The following ERO1B variants were observed in gnomAD, a reference collection of about 807,000 sequenced individuals.
ERO1B encodes endoplasmic reticulum oxidoreductase 1 beta, also known as ERO1-like protein beta.
ERO1B carries 49 observed loss-of-function variants against 75.3 expected under a neutral mutation model. The observed-to-expected ratio is 0.65, with a 90% CI of 0.52 to 0.83. ERO1B has a LOEUF of 0.83. ERO1B is among the 40% of genes least tolerant of loss of function. The pLI is 0.00. For synonymous variants in ERO1B, 191 were observed against 192.9 expected (o/e 0.99, Z 0.08); for missense variants, 512 against 560.1 (o/e 0.91, Z 0.87).
intron 14 of ERO1B, 24 bp downstream of exon 14, chr1:236,221,900 C>G (rs752849213): frequency 6.3e-7 from 1 of 1,584,406 alleles, no homozygotes; most frequent in Non-Finnish European, 8.7e-7. Context: ...GTAATGGCTT[C>G]AAAAGAGAAG....
intron 2 of ERO1B, among the ~76,000 whole-genome samples, chr1:236,265,696 C>T (rs1665419789): frequency 6.6e-6 from 1 of 152,206 alleles, no homozygotes; most frequent in African/African-American, 2.4e-5. Flanking sequence ...AGCATCCTTA[C>T]ATGGTCAATA....
At position 236,269,557 on chromosome 1, in the gene ERO1B, G is replaced by T. The variant is rs958275397; in HGVS notation, c.222+318C>A. 3.7e-4 allele frequency among the ~76,000 whole-genome samples: 56 copies of T among 152,118 alleles called. 1 individual carries two copies. Among genetic ancestry groups the T allele is most frequent in the Admixed American group, 3.3e-4 (5 of 15,270 alleles). ...GACATCAGCACAACTCAAAGGCTGAGTAGGTGTGTCCAGATGGCAGAACTA... is the reference window on the plus strand; with the variant it reads ...GACATCAGCACAACTCAAAGGCTGATTAGGTGTGTCCAGATGGCAGAACTA... On this transcript the variant is annotated intron_variant, in intron 2 of 15. Transcript: ENST00000354619.
intron 15 of ERO1B, among the ~76,000 whole-genome samples, chr1:236,219,888 A>G (rs1664092716): frequency 6.6e-6 from 1 of 151,970 alleles, no homozygotes; most frequent in South Asian, 2.1e-4. Context: ...GCCAGGCAAA[A>G]TAGCATGTGT....
At chr1:236,229,422 CAAAA>C (rs199715484) in intron 10 of ERO1B, among the ~76,000 whole-genome samples, 2 of 112,376 alleles carry the variant, frequency 1.8e-5, no homozygotes, top group Non-Finnish European at 3.8e-5. Flanking sequence ...GACTCTGACT[CAAAA>C]AAAAAAAAAA....
intron 1 of ERO1B, among the ~76,000 whole-genome samples, chr1:236,280,336 A>G (rs1665805444): frequency 6.6e-6 from 1 of 152,248 alleles, no homozygotes; most frequent in South Asian, 2.1e-4. Flanking sequence ...TAATTTTGCC[A>G]AAGACAATTT....
In ERO1B at chr1:236,277,770, T is replaced by C. The variant is rs150977459; in HGVS notation, c.102+3912A>G. On this transcript the variant is annotated intron_variant, in intron 1 of 15. Transcript: ENST00000354619. Reference sequence around the variant, plus strand: ...AGAAAGAAAAAAGACATGAAATGGTTGTCTAATTCAATAATCATTTCTTCA... The same window carrying C: ...AGAAAGAAAAAAGACATGAAATGGTCGTCTAATTCAATAATCATTTCTTCA... Among the ~76,000 whole-genome samples, 410 of 152,350 alleles carry C rather than the reference T, an allele frequency of 2.7e-3. 2 individuals carry two copies. Among genetic ancestry groups the C allele is most frequent in the African/African-American group, 8.8e-3 (366 of 41,586 alleles).
intron 1 of ERO1B, 28 bp from the exon 2 acceptor site, chr1:236,270,022 A>G (rs1470802496): frequency 1.3e-6 from 2 of 1,488,098 alleles, no homozygotes; most frequent in South Asian, 1.3e-5. Flanking sequence ...TAAAATATGT[A>G]AACTACTGAT....
At chr1:236,276,587 T>C (rs890401066) in intron 1 of ERO1B, among the ~76,000 whole-genome samples, 7 of 152,140 alleles carry the variant, frequency 4.6e-5, no homozygotes, top group African/African-American at 1.4e-4. Flanking sequence ...GAACAAACCG[T>C]TGGCCTTAGC....
intron 15 of ERO1B, chr1:236,220,350 C>G (rs1749601): frequency 0.47 from 71,286 of 151,512 alleles, 17,465 homozygotes; most frequent in East Asian, 0.88. Flanking sequence ...TTATATGTCT[C>G]TATACAGAAG....
At chr1:236,225,431 A>G (rs1164858666) in intron 12 of ERO1B, among the ~76,000 whole-genome samples, 1 of 152,224 alleles carries the variant, frequency 6.6e-6, no homozygotes, top group Non-Finnish European at 1.5e-5. Context: ...AATAGGCAAT[A>G]TTCCCTTAAT....
intron 6 of ERO1B, among the ~76,000 whole-genome samples, chr1:236,240,444 C>A (rs1193492805): frequency 3.3e-5 from 5 of 152,208 alleles, no homozygotes. Context: ...CCTCCATCAC[C>A]AACCCTACCC....
intron 2 of ERO1B, among the ~76,000 whole-genome samples, chr1:236,265,044 T>C (rs957820809): frequency 2.7e-5 from 2 of 74,958 alleles, no homozygotes; most frequent in African/African-American, 3.3e-5. Flanking sequence ...GTTATTTTTT[T>C]CTCTTTTTTT....
chr1:236,261,950 AAAACAAAAAC>A (rs1265235985), intron 2 of ERO1B, among the ~76,000 whole-genome samples: 6 of 152,222 alleles, frequency 3.9e-5, no homozygotes. Flanking sequence ...CTCAAAAACA[AAAACAAAAAC>A]AAACAAACAA....
intron 15 of ERO1B, 33 bp downstream of exon 15, chr1:236,220,799 A>G (rs1485399357): frequency 1.3e-6 from 2 of 1,519,350 alleles, no homozygotes; most frequent in South Asian, 2.8e-5. Flanking sequence ...CCCAATGGGA[A>G]ATCAAAAATC....
intron 6 of ERO1B, among the ~76,000 whole-genome samples, chr1:236,236,648 T>C (rs148649660): frequency 4.4e-4 from 67 of 152,334 alleles, no homozygotes; most frequent in African/African-American, 1.5e-3. Context: ...AGTGCTCTTT[T>C]AAGTAATATA....
In ERO1B at chr1:236,268,289, A is replaced by C. The variant is rs576238597; in HGVS notation, c.222+1586T>G. On this transcript the variant is annotated intron_variant, in intron 2 of 15. Coordinates refer to ENST00000354619, the MANE Select transcript of ERO1B (RefSeq NM_019891.4). ...ACCTCGTCTCTACTAAAAATACAAAAATTAGCCAGGCGTGGTGGTGGGCGC... is the reference window on the plus strand; with the variant it reads ...ACCTCGTCTCTACTAAAAATACAAACATTAGCCAGGCGTGGTGGTGGGCGC... 2.0e-5 allele frequency among the ~76,000 whole-genome samples: 3 copies of C among 152,246 alleles called. No homozygotes were observed. The East Asian group carries it at 5.8e-4, about 29-fold the overall frequency.
rs1665846098 is a variant in ERO1B, at chr1:236,281,893, G to A, written c.-110C>T. ...GTTCCCAGCGGCCGAGCGACTCCAGGGTCAGAGGTCTGCACTCCAGTCCGG... is the reference window on the plus strand; with the variant it reads ...GTTCCCAGCGGCCGAGCGACTCCAGAGTCAGAGGTCTGCACTCCAGTCCGG... On this transcript the variant is annotated 5_prime_UTR_variant, in exon 1 of 16. Coordinates refer to ENST00000354619, the MANE Select transcript of ERO1B (RefSeq NM_019891.4). 4.3e-6 allele frequency: 3 copies of A among 702,720 alleles called. No homozygotes were observed. Among genetic ancestry groups the A allele is most frequent in the Non-Finnish European group, 6.1e-6 (3 of 492,532 alleles). 43.5% of individuals were successfully genotyped at this position (702,720 alleles called of 1,614,324 possible). A position where few individuals can be genotyped will look rare whatever the true frequency, so the allele number is the denominator to read the frequency against.
chr1:236,242,771 G>T (rs767131099), intron 6 of ERO1B, among the ~76,000 whole-genome samples: 5 of 152,126 alleles, frequency 3.3e-5, no homozygotes, highest in Non-Finnish European at 5.9e-5. Context: ...TGCCTACTCA[G>T]CACAATTCTT....
intron 1 of ERO1B, among the ~76,000 whole-genome samples, chr1:236,273,498 C>G (rs919032936): frequency 6.6e-6 from 1 of 152,104 alleles, no homozygotes. Context: ...TGTTTCTGGG[C>G]ACATATTCTG....
Sources: gnomAD v4.1 joint callset for allele counts (sites outside exome capture counted in the v4.1 genomes callset) on GRCh38, gnomAD v4.1.1 for gene constraint, MANE v1.5 for transcripts, NCBI Gene and HGNC (gene_info 2026-07-23, HGNC 2026-07-21) for gene names.